The following LRRC37A variants were observed in gnomAD, a reference collection of about 807,000 sequenced individuals.
The protein encoded by LRRC37A is leucine rich repeat containing 37A.
In LRRC37A, 3 loss-of-function variants were observed where a neutral mutation model predicts 35.4. The observed-to-expected ratio is 0.08, with a 90% confidence interval of 0.04 to 0.22. The LOEUF (loss-of-function observed/expected upper bound fraction) is 0.22, where lower values mean the gene tolerates loss of function less well. Ranked by LOEUF, LRRC37A falls within the 10% of genes least tolerant of loss-of-function variation. The probability of loss-of-function intolerance (pLI) is 1.00; values close to 1 mark genes in which losing one functional copy is unlikely to be tolerated. For missense variants in LRRC37A, 67 were observed against 565.3 expected, an observed-to-expected ratio of 0.12 and a Z score of 8.94; for synonymous variants, 23 against 215.0, an observed-to-expected ratio of 0.11 and a Z score of 7.81.
At chr17:46,264,868 C>T in the LRRC37A span, among the ~76,000 whole-genome samples, 1 of 152,220 alleles carries the variant, frequency 6.6e-6, no homozygotes, top group African/African-American at 2.4e-5. Flanking sequence ...GGGAACACCC[C>T]CAGCAGGATG....
the LRRC37A span, among the ~76,000 whole-genome samples, chr17:46,252,466 G>T: frequency 7.4e-6 from 1 of 134,712 alleles, no homozygotes; most frequent in South Asian, 2.2e-4. Context: ...AGGGAAGGTC[G>T]GCAGATAAAC....
the LRRC37A span, among the ~76,000 whole-genome samples, chr17:46,273,531 A>G: frequency 1.3e-5 from 2 of 152,270 alleles, no homozygotes; most frequent in Non-Finnish European, 2.9e-5. Context: ...AAGGTTTTGC[A>G]TAGCAGGGAA....
chr17:46,255,411 G>T, the LRRC37A span, among the ~76,000 whole-genome samples: 20 of 147,502 alleles, frequency 1.4e-4, no homozygotes, highest in African/African-American at 5.0e-4. Context: ...TGTTGCCCAG[G>T]CTAGAGTGCA....
At chr17:46,278,307 G>A in the LRRC37A span, among the ~76,000 whole-genome samples, 1 of 152,188 alleles carries the variant, frequency 6.6e-6, no homozygotes, top group Non-Finnish European at 1.5e-5. Context: ...CCCTGTGATG[G>A]CAAATGAGAG....
At chr17:46,248,444 AG>A in the LRRC37A span, among the ~76,000 whole-genome samples, 1 of 152,006 alleles carries the variant, frequency 6.6e-6, no homozygotes, top group Non-Finnish European at 1.5e-5. Context: ...GATTTCCTAT[AG>A]TTTTGCCTTT....
chr17:46,253,567 C>T, the LRRC37A span, among the ~76,000 whole-genome samples: 1 of 152,226 alleles, frequency 6.6e-6, no homozygotes, highest in Non-Finnish European at 1.5e-5. Flanking sequence ...GCCAACGCAG[C>T]GAAACCCCGT....
chr17:46,257,867 A>T, the LRRC37A span, among the ~76,000 whole-genome samples: 2 of 152,164 alleles, frequency 1.3e-5, no homozygotes, highest in Non-Finnish European at 2.9e-5. Flanking sequence ...TAAAACAAAA[A>T]ACATTTATTA....
At chr17:46,267,893 C>CTTTTTTTTTTTTTTTTTTTTTTTT in the LRRC37A span, among the ~76,000 whole-genome samples, 11 of 89,236 alleles carry the variant, frequency 1.2e-4, no homozygotes, top group Non-Finnish European at 1.6e-4. Flanking sequence ...ACTCCCACAT[C>CTTTTTTTTTTTTTTTTTTTTTTTT]TTTTTTTTTT....
At chr17:46,270,652 TA>T in the LRRC37A span, among the ~76,000 whole-genome samples, 1 of 152,236 alleles carries the variant, frequency 6.6e-6, no homozygotes, top group Non-Finnish European at 1.5e-5. Flanking sequence ...CTCACACCTG[TA>T]ATCCCAGCAC....
At chr17:46,264,769 C>T in the LRRC37A span, among the ~76,000 whole-genome samples, 4 of 152,194 alleles carry the variant, frequency 2.6e-5, no homozygotes, top group Admixed American at 1.3e-4. Context: ...TCTGGGAGCC[C>T]CTGGGAACCA....
the LRRC37A span, among the ~76,000 whole-genome samples, chr17:46,278,261 T>C: frequency 6.6e-6 from 1 of 152,220 alleles, no homozygotes; most frequent in Non-Finnish European, 1.5e-5. Context: ...AGCTTTCTTA[T>C]ACTGCTCTTT....
upstream of LRRC37A, among the ~76,000 whole-genome samples, chr17:46,288,305 CTTT>C (rs78255121): frequency 0.022 from 2,460 of 111,480 alleles, no homozygotes; most frequent in Middle Eastern, 0.08. Flanking sequence ...CCAGGCCCGG[CTTT>C]TTTTTTTTTT....
chr17:46,269,927 T>A, the LRRC37A span, among the ~76,000 whole-genome samples: 28 of 152,232 alleles, frequency 1.8e-4, no homozygotes, highest in African/African-American at 6.8e-4. Flanking sequence ...TATTAACCAA[T>A]GACAGCTCAC....
the LRRC37A span, among the ~76,000 whole-genome samples, chr17:46,269,795 T>G: frequency 6.6e-6 from 1 of 152,248 alleles, no homozygotes; most frequent in African/African-American, 2.4e-5. Context: ...GCAATAAATC[T>G]TGCTTTGAAA....
At chr17:46,259,275 G>C in the LRRC37A span, among the ~76,000 whole-genome samples, 11 of 151,786 alleles carry the variant, frequency 7.2e-5, no homozygotes, top group South Asian at 2.1e-4. Flanking sequence ...ATGATCGGGT[G>C]GGGGTGGGAT....
At chr17:46,291,810 G>A (rs1298804508), upstream of LRRC37A, among the ~76,000 whole-genome samples, 1 of 151,794 alleles carries the variant, frequency 6.6e-6, no homozygotes, top group African/African-American at 2.4e-5. Context: ...CCCAAAATTA[G>A]CCAGAGATGG....
chr17:46,304,953 C>T (rs1598109460), intron 3 of LRRC37A, among the ~76,000 whole-genome samples: 1 of 68,532 alleles, frequency 1.5e-5, no homozygotes. Flanking sequence ...ACTGCAAGGT[C>T]CGCCTCCTGG....
chr17:46,309,183 C>T (rs2050681659), intron 5 of LRRC37A, among the ~76,000 whole-genome samples: 1 of 58,560 alleles, frequency 1.7e-5, no homozygotes, highest in African/African-American at 4.3e-5. Context: ...ACAACCATAT[C>T]GAGGTTTTGC....
At chr17:46,258,229 T>C in the LRRC37A span, among the ~76,000 whole-genome samples, 2 of 152,042 alleles carry the variant, frequency 1.3e-5, no homozygotes, top group Non-Finnish European at 2.9e-5. Context: ...CTTTTTTTTT[T>C]GAGATGGAGT....
Sources: gnomAD v4.1 joint callset for allele counts (sites outside exome capture counted in the v4.1 genomes callset) on GRCh38, gnomAD v4.1.1 for gene constraint, MANE v1.5 for transcripts, NCBI Gene and HGNC (gene_info 2026-07-23, HGNC 2026-07-21) for gene names.